LAMA2: variants seen among roughly 807,000 people sequenced by gnomAD.
The protein encoded by LAMA2 is laminin subunit alpha 2, also known as laminin subunit alpha-2.
A neutral mutation model predicts 364.8 loss-of-function variants in LAMA2; 269 were observed. The ratio of observed to expected loss-of-function variants is 0.74; its 90% CI spans 0.67 to 0.82. LAMA2 has a LOEUF of 0.82. Ranked by LOEUF, LAMA2 falls within the 40% of genes least tolerant of loss-of-function variation. The probability of loss-of-function intolerance (pLI) is 0.00; values close to 1 mark genes in which losing one functional copy is unlikely to be tolerated. For missense variants in LAMA2, 3,807 were observed against 3,873.2 expected (o/e 0.98, Z 0.45); for synonymous variants, 1,379 against 1,370.6 (o/e 1.01, Z -0.14).
chr6:129,334,583 C>T (rs772114032), intron 29 of LAMA2, among the ~76,000 whole-genome samples: 13 of 152,252 alleles, frequency 8.5e-5, no homozygotes, highest in East Asian at 3.9e-4. Context: ...TCATGTCTAG[C>T]GCTATGCTAG....
chr6:129,011,044 G>C (rs1049898180), intron 1 of LAMA2, among the ~76,000 whole-genome samples: 1 of 152,088 alleles, frequency 6.6e-6, no homozygotes, highest in Admixed American at 6.5e-5. Flanking sequence ...GCAGTGGCTT[G>C]ATCTTGGCTC....
intron 3 of LAMA2, among the ~76,000 whole-genome samples, chr6:129,076,483 C>CA (rs562179119): frequency 2.9e-4 from 5 of 17,042 alleles, no homozygotes; most frequent in Non-Finnish European, 9.0e-4. Flanking sequence ...TATAATATAT[C>CA]TTATATATTA....
At chr6:129,448,955 A>AC (rs1782527911) in intron 45 of LAMA2, among the ~76,000 whole-genome samples, 2 of 152,212 alleles carry the variant, frequency 1.3e-5, no homozygotes, top group African/African-American at 4.8e-5. Context: ...GAGATATAGT[A>AC]TTTTGATTTA....
At chr6:129,150,912 A>G (rs774535125) in intron 7 of LAMA2, among the ~76,000 whole-genome samples, 6 of 152,186 alleles carry the variant, frequency 3.9e-5, no homozygotes, top group African/African-American at 1.2e-4. Flanking sequence ...GAATAATCAC[A>G]TTCTAATTCA....
chr6:129,164,545 T>A (rs1221668887), intron 8 of LAMA2, among the ~76,000 whole-genome samples: 2 of 152,196 alleles, frequency 1.3e-5, no homozygotes, highest in African/African-American at 4.8e-5. Flanking sequence ...GTAATAAACT[T>A]GCTGAGTGAT....
rs182926966 is a variant in LAMA2, at chr6:129,346,070, C to A, written c.4437-3228C>A. Among the ~76,000 whole-genome samples, 12 of 152,250 alleles carry A rather than the reference C, an allele frequency of 7.9e-5. No homozygotes were observed. In the South Asian group the frequency reaches 1.2e-3, roughly 16 times the overall value. On this transcript the variant is annotated intron_variant, in intron 30 of 64. Coordinates refer to ENST00000421865, the MANE Select transcript of LAMA2 (RefSeq NM_000426.4). ...CTGACTCATTTCCACGGCATTAGTTCAAGTCCTCATTATCTCTTACCAAAA... is the reference window on the plus strand; with the variant it reads ...CTGACTCATTTCCACGGCATTAGTTAAAGTCCTCATTATCTCTTACCAAAA...
chr6:129,249,224 C>G (rs1276900614), intron 12 of LAMA2, among the ~76,000 whole-genome samples: 1 of 152,080 alleles, frequency 6.6e-6, no homozygotes, highest in Non-Finnish European at 1.5e-5. Context: ...CATGTCAGCA[C>G]AGAGCAAGCA....
chr6:129,382,231 AG>A (rs1411756139), intron 34 of LAMA2, among the ~76,000 whole-genome samples: 5 of 152,230 alleles, frequency 3.3e-5, no homozygotes, highest in Admixed American at 1.3e-4. Flanking sequence ...AAAGAGAAGA[AG>A]GCTTATATAT....
chr6:129,202,206 AAAAG>A (rs1349681421), intron 12 of LAMA2, among the ~76,000 whole-genome samples: 1 of 150,698 alleles, frequency 6.6e-6, no homozygotes, highest in Non-Finnish European at 1.5e-5. Context: ...AAAAAAAAAA[AAAAG>A]AAAAGAAAAG....
chr6:129,107,006 T>G (rs2114891650), intron 4 of LAMA2, among the ~76,000 whole-genome samples: 1 of 152,044 alleles, frequency 6.6e-6, no homozygotes, highest in South Asian at 2.1e-4. Flanking sequence ...CACCAATATT[T>G]AAGAGACCTG....
At chr6:129,104,008 T>C (rs1435665119) in intron 4 of LAMA2, among the ~76,000 whole-genome samples, 2 of 151,782 alleles carry the variant, frequency 1.3e-5, no homozygotes, top group Admixed American at 1.3e-4. Flanking sequence ...CTTCCTCCCT[T>C]CCTTCCTTCC....
At chr6:129,107,070 T>C (rs574603507) in intron 4 of LAMA2, among the ~76,000 whole-genome samples, 59 of 152,126 alleles carry the variant, frequency 3.9e-4, no homozygotes, top group African/African-American at 1.4e-3. Context: ...AAGGGTAAGC[T>C]TCTGTTAAGC....
intron 4 of LAMA2, among the ~76,000 whole-genome samples, chr6:129,119,374 G>A (rs979281437): frequency 6.6e-6 from 1 of 151,864 alleles, no homozygotes; most frequent in African/African-American, 2.4e-5. Context: ...TCCACTGACG[G>A]TCCTTCAGGT....
rs1296761337 is a variant in LAMA2, at chr6:129,143,900, G to A, written c.640-1G>A. On this transcript the variant is annotated splice_acceptor_variant, in intron 4 of 64. Transcript: ENST00000421865. LOFTEE classifies it high-confidence loss of function. ...GTTAAATTATTTTTCATATTGTGTA[G>A]ATTCACATCTCTTTAATCAATGGGA... is the stretch of plus-strand genomic sequence containing the variant. The A allele has an allele frequency of 6.3e-7, 1 of 1,585,896 alleles. No homozygotes were observed. The highest frequency in any genetic ancestry group is 1.3e-5 in the African/African-American group (1 of 74,128).
At chr6:129,278,555 C>A (rs1583402326) in intron 17 of LAMA2, among the ~76,000 whole-genome samples, 1 of 152,104 alleles carries the variant, frequency 6.6e-6, no homozygotes, top group East Asian at 1.9e-4. Context: ...CAATCACAAT[C>A]CCGTCAAGAA....
chr6:129,208,678 AAGG>A (rs1782868308), intron 12 of LAMA2, among the ~76,000 whole-genome samples: 1 of 83,622 alleles, frequency 1.2e-5, no homozygotes, highest in African/African-American at 8.7e-5. Context: ...AGAGAAAGAG[AAGG>A]AAAGAAAGAA....
intron 5 of LAMA2, among the ~76,000 whole-genome samples, chr6:129,146,136 C>T (rs1778417215): frequency 6.6e-6 from 1 of 151,770 alleles, no homozygotes; most frequent in South Asian, 2.1e-4. Flanking sequence ...TATGTGTCCA[C>T]CTACATATTC....
intron 22 of LAMA2, among the ~76,000 whole-genome samples, chr6:129,307,192 A>G (rs1035323689): frequency 4.6e-5 from 7 of 152,218 alleles, no homozygotes; most frequent in Non-Finnish European, 7.3e-5. Flanking sequence ...AAGCCCTTCT[A>G]CTAAGCTGTG....
intron 9 of LAMA2, among the ~76,000 whole-genome samples, chr6:129,177,198 C>T (rs2115015250): frequency 6.6e-6 from 1 of 152,256 alleles, no homozygotes; most frequent in South Asian, 2.1e-4. Flanking sequence ...TTCCAATGAA[C>T]ACCTTTATTT....
Sources: gnomAD v4.1 joint callset for allele counts (sites outside exome capture counted in the v4.1 genomes callset) on GRCh38, gnomAD v4.1.1 for gene constraint, MANE v1.5 for transcripts, NCBI Gene and HGNC (gene_info 2026-07-23, HGNC 2026-07-21) for gene names.